The following FA2H variants were observed in gnomAD, a reference collection of about 807,000 sequenced individuals.
FA2H encodes the protein fatty acid alpha-hydroxylase.
Under a neutral mutation model 44.9 loss-of-function variants are expected in FA2H, and 22 were observed. That is an observed-to-expected ratio of 0.49 (90% CI 0.35 to 0.70). FA2H has a LOEUF of 0.70. FA2H is among the 30% of genes least tolerant of loss of function. The pLI is 0.01. For synonymous variants in FA2H, 243 were observed against 213.2 expected, an observed-to-expected ratio of 1.14 and a Z score of -1.22; for missense variants, 501 against 504.9, an observed-to-expected ratio of 0.99 and a Z score of 0.07.
Position 74,714,517 on chromosome 16 carries a change from C to T in FA2H, c.1040-248G>A, listed in dbSNP as rs1597536396. Among the ~76,000 whole-genome samples the T allele has an allele frequency of 2.0e-5, 3 of 152,050 alleles. No individual in the cohort carries two copies. The East Asian group carries it at 5.8e-4, about 30-fold the overall frequency. ...TGGCCTTCGTTTCTAGGCTACGTGGCCCCCTCCCACCCCCCACCTCCATCT... is the reference window on the plus strand; with the variant it reads ...TGGCCTTCGTTTCTAGGCTACGTGGTCCCCTCCCACCCCCCACCTCCATCT... On this transcript the variant is annotated intron_variant, in intron 6 of 6. Transcript: ENST00000219368.
At chr16:74,729,124 C>A (rs1420769987) in intron 2 of FA2H, among the ~76,000 whole-genome samples, 1 of 151,600 alleles carries the variant, frequency 6.6e-6, no homozygotes, top group East Asian at 1.9e-4. Context: ...GATTCCCCTG[C>A]CTCAGCCTCC....
chr16:74,739,940 C>A (rs146940596), intron 2 of FA2H, 83 bp downstream of exon 2: 11 of 1,061,214 alleles, frequency 1.0e-5, no homozygotes, highest in Non-Finnish European at 1.6e-5. Context: ...TGCCCACTCC[C>A]AGCTTTGGCT....
intron 5 of FA2H, among the ~76,000 whole-genome samples, chr16:74,717,885 C>CA (rs1289225168): frequency 5.3e-5 from 8 of 152,190 alleles, no homozygotes; most frequent in African/African-American, 1.9e-4. Flanking sequence ...AAAGGCTTCA[C>CA]AAACAGGGCA....
intron 5 of FA2H, among the ~76,000 whole-genome samples, chr16:74,717,628 C>A (rs1383836173): frequency 6.6e-6 from 1 of 152,194 alleles, no homozygotes; most frequent in Non-Finnish European, 1.5e-5. Context: ...GGATCAGGAT[C>A]CTTAGATGGA....
intron 6 of FA2H, among the ~76,000 whole-genome samples, chr16:74,714,526 AC>A (rs1386890280): frequency 8.4e-6 from 1 of 119,760 alleles, no homozygotes; most frequent in Non-Finnish European, 1.7e-5. Context: ...GCCCCCTCCC[AC>A]CCCCCACCTC....
rs1023551706 is a variant in FA2H, at chr16:74,769,596, G to A, written c.270+4890C>T. 5.3e-5 allele frequency among the ~76,000 whole-genome samples: 8 copies of A among 152,228 alleles called. No homozygotes were observed. The South Asian group carries it at 1.7e-3, about 32-fold the overall frequency. The stretch of plus-strand genomic sequence containing the variant: ...AGAGTATAGTACACCAAACTGGGGG[G>A]AAAAAAACCTGGGGTGGTGATTCAT... On this transcript the variant is annotated intron_variant, in intron 1 of 6. Coordinates refer to ENST00000219368, the MANE Select transcript of FA2H (RefSeq NM_024306.5).
chr16:74,758,220 A>T (rs944293859), intron 1 of FA2H, among the ~76,000 whole-genome samples: 2 of 148,352 alleles, frequency 1.3e-5, no homozygotes, highest in Non-Finnish European at 3.0e-5. Flanking sequence ...TCCTGGGTTC[A>T]AGCAATTCTC....
At position 74,719,050 on chromosome 16, in the gene FA2H, G is replaced by A; in HGVS notation, c.724C>T (p.Pro242Ser). 1 of 1,614,024 alleles carries A rather than the reference G, an allele frequency of 6.2e-7. No individual in the cohort carries two copies. Among genetic ancestry groups the A allele is most frequent in the South Asian group, 1.1e-5 (1 of 91,090 alleles). Residue 242 changes from proline to serine, a missense_variant, in exon 5 of 7, where the codon CCC (proline) becomes TCC (serine). Transcript: ENST00000219368. The part of the protein sequence containing the change: ...LIHRFLFHMK[P>S]PSDSYYLIML... ...ATGAGGTAATAGCTGTCGCTGGGGG[G>A]CTTCATGTGGAACAGGAAGCGGTGG...
At chr16:74,726,969 C>T (rs8063470) in intron 3 of FA2H, among the ~76,000 whole-genome samples, 1 of 152,128 alleles carries the variant, frequency 6.6e-6, no homozygotes, top group Non-Finnish European at 1.5e-5. Flanking sequence ...TGTTCCCATG[C>T]GCATCGTGGG....
At chr16:74,769,390 C>G (rs1962864612) in intron 1 of FA2H, among the ~76,000 whole-genome samples, 1 of 152,196 alleles carries the variant, frequency 6.6e-6, no homozygotes, top group African/African-American at 2.4e-5. Context: ...AGCCACCGTG[C>G]CTGGCCCCCA....
At chr16:74,746,248 T>C (rs190872069) in intron 1 of FA2H, among the ~76,000 whole-genome samples, 1 of 151,936 alleles carries the variant, frequency 6.6e-6, no homozygotes, top group Non-Finnish European at 1.5e-5. Flanking sequence ...ACCTTCAGAT[T>C]TCTTTTCTTT....
intron 1 of FA2H, among the ~76,000 whole-genome samples, chr16:74,749,297 G>A (rs1962486976): frequency 6.6e-6 from 1 of 152,234 alleles, no homozygotes; most frequent in Non-Finnish European, 1.5e-5. Flanking sequence ...AGCTCTGGAT[G>A]CCTGTGGTGG....
intron 1 of FA2H, among the ~76,000 whole-genome samples, chr16:74,752,134 C>A (rs531952978): frequency 2.6e-5 from 4 of 152,170 alleles, no homozygotes; most frequent in Non-Finnish European, 4.4e-5. Flanking sequence ...TCTCTCCATC[C>A]TCACAGTCAC....
chr16:74,767,009 T>C lies in FA2H; in HGVS notation c.270+7477A>G, dbSNP rs572591029. ...GGTGGTGGCAACAGAGATGTTTACC[T>C]AGGTTAAAAAAAAAAAATTGGCCGG... On this transcript the variant is annotated intron_variant, in intron 1 of 6. Coordinates refer to ENST00000219368, the MANE Select transcript of FA2H (RefSeq NM_024306.5). 4.6e-5 allele frequency among the ~76,000 whole-genome samples: 7 copies of C among 151,402 alleles called. No homozygotes were observed. The South Asian group carries it at 1.3e-3, about 27-fold the overall frequency.
rs1464915275 is a variant in FA2H, at chr16:74,727,303, C to A, written c.447G>T (p.Val149=). 1.2e-6 allele frequency: 2 copies of A among 1,614,038 alleles called. No homozygotes were observed. The highest frequency in any genetic ancestry group is 3.3e-5 in the Admixed American group (2 of 59,994). Residue 149 remains valine, a synonymous_variant, in exon 3 of 7, where the codon GTG becomes GTT. Transcript: ENST00000219368. Reference sequence around the variant, plus strand: ...AGTGGAAGAGGCGGATGGGCCTGGTCACCGGCTGGTGAACCCACTCATCGT... The same window carrying A: ...AGTGGAAGAGGCGGATGGGCCTGGTAACCGGCTGGTGAACCCACTCATCGT... The part of the protein sequence containing the change: ...EKYDEWVHQP[V]TRPIRLFHSD...
chr16:74,718,944 G>A (rs200118098), intron 5 of FA2H, 44 bp downstream of exon 5: 103 of 1,607,292 alleles, frequency 6.4e-5, no homozygotes, highest in African/African-American at 2.8e-4. Context: ...GGGCCCTCTC[G>A]GGCTGCACAT....
chr16:74,741,995 AT>A (rs1307530476), intron 1 of FA2H, among the ~76,000 whole-genome samples: 2 of 151,936 alleles, frequency 1.3e-5, no homozygotes, highest in Middle Eastern at 6.8e-3. Context: ...CAGCAGCTCA[AT>A]AATCCTGTTC....
intron 1 of FA2H, 110 bp from the exon 2 acceptor site, chr16:74,740,225 G>C (rs1962264743): frequency 8.4e-6 from 7 of 836,512 alleles, no homozygotes; most frequent in Non-Finnish European, 1.5e-5. Flanking sequence ...CCCGTGGGTG[G>C]GGCAGGGTGG....
Position 74,774,468 on chromosome 16 carries a change from GC to G in FA2H, c.270+17del. On this transcript the variant is annotated intron_variant, in intron 1 of 6. Transcript: ENST00000219368. ...ACGGAGGCCTGGGTTGGGGTGGGGG[GC>G]CCCGGCCCGGCTGTACCTGCTGCTC... is the stretch of plus-strand genomic sequence containing the variant. 6 of 1,498,410 alleles carry G rather than the reference GC, an allele frequency of 4.0e-6. No individual in the cohort carries two copies. The highest frequency in any genetic ancestry group is 2.1e-5 in the Admixed American group (1 of 48,430). The allele number at this position is 1,498,410 out of a possible 1,614,324, so 92.8% of individuals were successfully genotyped here. A position where few individuals can be genotyped will look rare whatever the true frequency, so the allele number is the denominator to read the frequency against.
Sources: gnomAD v4.1 joint callset for allele counts (sites outside exome capture counted in the v4.1 genomes callset) on GRCh38, gnomAD v4.1.1 for gene constraint, MANE v1.5 for transcripts, NCBI Gene and HGNC (gene_info 2026-07-23, HGNC 2026-07-21) for gene names.